Variants in MDGA2 observed in about 807,000 individuals in gnomAD.
MDGA2 encodes MAM domain-containing glycosylphosphatidylinositol anchor protein 2.
In MDGA2, 40 loss-of-function variants were observed where a neutral mutation model predicts 117.8. That is an observed-to-expected ratio of 0.34 (90% CI 0.26 to 0.44). MDGA2 has a LOEUF of 0.44. Ranked by LOEUF, MDGA2 falls within the 20% of genes least tolerant of loss-of-function variation. MDGA2 has a pLI of 1.00. For missense variants in MDGA2, 1,123 were observed against 1,250.6 expected, an observed-to-expected ratio of 0.90 and a Z score of 1.54; for synonymous variants, 452 against 439.0, an observed-to-expected ratio of 1.03 and a Z score of -0.37.
At chr14:47,451,077 T>G (rs1271835218) in intron 1 of MDGA2, among the ~76,000 whole-genome samples, 1 of 152,078 alleles carries the variant, frequency 6.6e-6, no homozygotes, top group Non-Finnish European at 1.5e-5. Flanking sequence ...TCCCTGTCTG[T>G]CTCCACTACT....
At chr14:47,419,523 T>A (rs1892536793) in intron 1 of MDGA2, among the ~76,000 whole-genome samples, 1 of 152,098 alleles carries the variant, frequency 6.6e-6, no homozygotes, top group African/African-American at 2.4e-5. Flanking sequence ...CACATAATAA[T>A]AAACTTGATT....
At chr14:46,848,839 A>T (rs1176266443) in intron 15 of MDGA2, among the ~76,000 whole-genome samples, 2 of 151,998 alleles carry the variant, frequency 1.3e-5, no homozygotes, top group Non-Finnish European at 2.9e-5. Context: ...GCTGAACAAC[A>T]AAACTAGCAA....
intron 1 of MDGA2, among the ~76,000 whole-genome samples, chr14:47,327,722 T>C (rs180854205): frequency 3.7e-4 from 57 of 152,310 alleles, no homozygotes; most frequent in African/African-American, 1.2e-3. Flanking sequence ...CAAACATTTA[T>C]ATGTGTGTAT....
At chr14:47,400,911 C>T (rs1255522436) in intron 1 of MDGA2, among the ~76,000 whole-genome samples, 3 of 147,548 alleles carry the variant, frequency 2.0e-5, no homozygotes, top group Middle Eastern at 3.2e-3. Context: ...GCACCCACCA[C>T]CACGCCCGGC....
intron 1 of MDGA2, among the ~76,000 whole-genome samples, chr14:47,511,217 C>A (rs1444696126): frequency 6.6e-6 from 1 of 151,976 alleles, no homozygotes; most frequent in Non-Finnish European, 1.5e-5. Context: ...TGAAGGAAGA[C>A]AACTTACATT....
At chr14:47,180,972 G>A (rs1884679677) in intron 3 of MDGA2, among the ~76,000 whole-genome samples, 1 of 152,066 alleles carries the variant, frequency 6.6e-6, no homozygotes, top group African/African-American at 2.4e-5. Flanking sequence ...CACAGATGCT[G>A]GTGAGGTTGC....
chr14:47,135,496 C>T (rs1451652281), intron 4 of MDGA2, among the ~76,000 whole-genome samples: 5 of 152,094 alleles, frequency 3.3e-5, no homozygotes, highest in Non-Finnish European at 7.4e-5. Flanking sequence ...CATTATAGGA[C>T]ATACTTAAAT....
intron 9 of MDGA2, among the ~76,000 whole-genome samples, chr14:46,925,234 T>C (rs1884281730): frequency 6.6e-6 from 1 of 152,106 alleles, no homozygotes; most frequent in East Asian, 1.9e-4. Context: ...TGATTATAAA[T>C]TCACAAACAT....
At chr14:47,016,946 T>TC (rs1342990643) in intron 8 of MDGA2, among the ~76,000 whole-genome samples, 1 of 151,782 alleles carries the variant, frequency 6.6e-6, no homozygotes, top group Non-Finnish European at 1.5e-5. Context: ...TTTTATTATT[T>TC]TTTTCCATAT....
chr14:46,929,615 A>ATATATATG (rs1884471160), intron 9 of MDGA2, among the ~76,000 whole-genome samples: 1 of 17,222 alleles, frequency 5.8e-5, no homozygotes, highest in African/African-American at 2.6e-4. Flanking sequence ...ATATATATAT[A>ATATATATG]TATATATATA....
intron 1 of MDGA2, among the ~76,000 whole-genome samples, chr14:47,424,153 GCTCACAC>G (rs1260604050): frequency 2.0e-5 from 3 of 152,132 alleles, no homozygotes; most frequent in Non-Finnish European, 4.4e-5. Context: ...GGGCACGGTA[GCTCACAC>G]CTATAATCCC....
intron 1 of MDGA2, among the ~76,000 whole-genome samples, chr14:47,383,427 A>G (rs1299124210): frequency 2.0e-5 from 3 of 152,178 alleles, no homozygotes; most frequent in African/African-American, 7.2e-5. Context: ...CATGTATTAA[A>G]TCACTACTGT....
intron 1 of MDGA2, among the ~76,000 whole-genome samples, chr14:47,636,784 CAAAAAAAAAAAAAAAA>C (rs56313968): frequency 9.6e-4 from 44 of 45,992 alleles, no homozygotes; most frequent in Admixed American, 2.0e-3. Context: ...GACTCCGTCT[CAAAAAAAAAAAAAAAA>C]AAAAAAAAAA....
chr14:47,192,955 A>T (rs72680232), intron 3 of MDGA2, among the ~76,000 whole-genome samples: 14,545 of 152,250 alleles, frequency 0.096, 851 homozygotes, highest in African/African-American at 0.16. Flanking sequence ...GCAGGTGCTA[A>T]CAGCACAGTT....
At chr14:46,974,581 G>C (rs932230402) in intron 8 of MDGA2, among the ~76,000 whole-genome samples, 1 of 151,988 alleles carries the variant, frequency 6.6e-6, no homozygotes, top group African/African-American at 2.4e-5. Flanking sequence ...TTGCATATAT[G>C]GTAAAATTAT....
At chr14:47,391,117 A>C (rs909745692) in intron 1 of MDGA2, among the ~76,000 whole-genome samples, 1 of 152,188 alleles carries the variant, frequency 6.6e-6, no homozygotes, top group Non-Finnish European at 1.5e-5. Flanking sequence ...CTTGGCAGAC[A>C]CATAATAACC....
intron 2 of MDGA2, among the ~76,000 whole-genome samples, chr14:47,263,902 A>G (rs958194498): frequency 6.6e-6 from 1 of 152,192 alleles, no homozygotes; most frequent in Admixed American, 6.6e-5. Flanking sequence ...AACTCCAACA[A>G]GCACCAACCA....
intron 1 of MDGA2, among the ~76,000 whole-genome samples, chr14:47,372,968 G>A (rs4898566): frequency 0.16 from 24,134 of 151,832 alleles, 2,523 homozygotes; most frequent in East Asian, 0.54. Flanking sequence ...AAAAAAATTT[G>A]TATTGTAGAA....
chr14:47,076,066 C>T (rs1890479624), intron 6 of MDGA2, among the ~76,000 whole-genome samples: 2 of 151,990 alleles, frequency 1.3e-5, no homozygotes, highest in Admixed American at 1.3e-4. Context: ...CTGACTTTTA[C>T]TCAATAAAAT....
Sources: allele counts gnomAD v4.1 joint callset (sites outside exome capture counted in the v4.1 genomes callset), GRCh38; gene constraint gnomAD v4.1.1; transcripts MANE v1.5; gene names NCBI Gene and HGNC (gene_info 2026-07-23, HGNC 2026-07-21).